The following KLRG1 variants were observed in gnomAD, a reference collection of about 807,000 sequenced individuals.
KLRG1 encodes the protein killer cell lectin-like receptor subfamily G member 1.
A neutral mutation model predicts 21.8 loss-of-function variants in KLRG1; 16 were observed. The ratio of observed to expected loss-of-function variants is 0.73; its 90% confidence interval spans 0.50 to 1.11. KLRG1 has a LOEUF of 1.11. Ranked by LOEUF, KLRG1 falls within the 50% of genes most tolerant of loss-of-function variation. The pLI is 0.00. For synonymous variants in KLRG1, 69 were observed against 75.9 expected, an observed-to-expected ratio of 0.91 and a Z score of 0.47; for missense variants, 173 against 218.3, an observed-to-expected ratio of 0.79 and a Z score of 1.31.
the KLRG1 span, among the ~76,000 whole-genome samples, chr12:9,043,076 CTT>C: frequency 1.1e-4 from 15 of 131,150 alleles, no homozygotes; most frequent in East Asian, 4.4e-4. Context: ...TGGCAGATAT[CTT>C]TTTTTTTTTT....
At chr12:9,194,073 T>G in the KLRG1 span, 1 of 1,611,880 alleles carries the variant, frequency 6.2e-7, no homozygotes, top group Non-Finnish European at 8.5e-7. Context: ...CTTTCTATAC[T>G]TACCCGGACA....
At chr12:9,054,100 G>C in the KLRG1 span, among the ~76,000 whole-genome samples, 4 of 152,210 alleles carry the variant, frequency 2.6e-5, no homozygotes, top group Admixed American at 2.6e-4. Context: ...TGCTGTCTCA[G>C]TGTAACTGGT....
At chr12:9,029,143 C>A in the KLRG1 span, 1 of 309,546 alleles carries the variant, frequency 3.2e-6, no homozygotes, top group East Asian at 6.7e-5. Flanking sequence ...TGTCCAAGGG[C>A]AGAAAGGCAA....
chr12:9,061,379 C>A, the KLRG1 span, among the ~76,000 whole-genome samples: 1 of 152,118 alleles, frequency 6.6e-6, no homozygotes, highest in Non-Finnish European at 1.5e-5. Context: ...CCTACCTTGG[C>A]CTCCCAAAGT....
the KLRG1 span, chr12:9,066,207 T>C: frequency 6.6e-6 from 1 of 152,396 alleles, no homozygotes; most frequent in Non-Finnish European, 1.5e-5. Context: ...CAAACAGGGC[T>C]GCAACATGCC....
At chr12:8,956,666 C>A (rs781397834) in intron 1 of KLRG1, among the ~76,000 whole-genome samples, 1 of 152,096 alleles carries the variant, frequency 6.6e-6, no homozygotes, top group Admixed American at 6.5e-5. Flanking sequence ...CGGCTGGTCT[C>A]GAACTCCTGA....
At chr12:9,203,842 A>G in the KLRG1 span, 25 of 1,613,808 alleles carry the variant, frequency 1.5e-5, no homozygotes, top group Non-Finnish European at 2.1e-5. Context: ...TCCCTGCCAG[A>G]CTCCAAGGAA....
At chr12:9,059,738 T>C in the KLRG1 span, among the ~76,000 whole-genome samples, 1 of 152,094 alleles carries the variant, frequency 6.6e-6, no homozygotes, top group African/African-American at 2.4e-5. Context: ...GAGGCTGGAG[T>C]GTGGTGACAT....
At chr12:9,181,162 T>G in the KLRG1 span, 3 of 1,613,636 alleles carry the variant, frequency 1.9e-6, no homozygotes, top group Non-Finnish European at 2.5e-6. Flanking sequence ...CGTCAACCAG[T>G]GTTTTCCCTA....
chr12:9,019,924 C>G, the KLRG1 span, among the ~76,000 whole-genome samples: 2 of 152,206 alleles, frequency 1.3e-5, no homozygotes, highest in African/African-American at 4.8e-5. Context: ...ACTTTCTTGT[C>G]TCTGTTAACA....
chr12:9,088,058 C>T, the KLRG1 span, among the ~76,000 whole-genome samples: 1 of 152,084 alleles, frequency 6.6e-6, no homozygotes, highest in South Asian at 2.1e-4. Context: ...TACAATTTAA[C>T]ATAGGTAAAT....
the KLRG1 span, chr12:9,149,548 G>T: frequency 6.2e-7 from 1 of 1,609,838 alleles, no homozygotes; most frequent in South Asian, 1.1e-5. Flanking sequence ...GGTCATAAGT[G>T]GTGAACTCTT....
chr12:8,972,470 C>T (rs778853705), intron 1 of KLRG1, among the ~76,000 whole-genome samples: 6 of 152,134 alleles, frequency 3.9e-5, no homozygotes, highest in Non-Finnish European at 7.4e-5. Context: ...GTCTTTAATC[C>T]ATTTTAAGTT....
intron 3 of KLRG1, among the ~76,000 whole-genome samples, chr12:9,005,499 T>C (rs1463595151): frequency 6.6e-6 from 1 of 152,118 alleles, no homozygotes; most frequent in Non-Finnish European, 1.5e-5. Flanking sequence ...AACAGAAAGT[T>C]AAACACTGCA....
At chr12:9,122,839 C>T in the KLRG1 span, among the ~76,000 whole-genome samples, 2 of 151,764 alleles carry the variant, frequency 1.3e-5, no homozygotes, top group Non-Finnish European at 2.9e-5. Context: ...TAAAGTAATG[C>T]AGTATAATTT....
chr12:9,020,949 T>C, the KLRG1 span, among the ~76,000 whole-genome samples: 7 of 152,338 alleles, frequency 4.6e-5, no homozygotes, highest in African/African-American at 1.7e-4. Flanking sequence ...CTGGGCTATA[T>C]GGGACAGCCT....
At chr12:9,113,184 G>A in the KLRG1 span, among the ~76,000 whole-genome samples, 1 of 142,572 alleles carries the variant, frequency 7.0e-6, no homozygotes, top group Non-Finnish European at 1.5e-5. Flanking sequence ...GTAAATATTT[G>A]TCTCCCATGG....
At chr12:9,181,249 A>T in the KLRG1 span, 2 of 1,293,846 alleles carry the variant, frequency 1.5e-6, no homozygotes, top group Non-Finnish European at 2.1e-6. Flanking sequence ...TGGTAATGTC[A>T]GTCAGAAACC....
chr12:9,165,248 C>T, the KLRG1 span: 17 of 1,614,136 alleles, frequency 1.1e-5, no homozygotes, highest in African/African-American at 8.0e-5. Context: ...CTGGAAGGCT[C>T]GGAGAGAGGC....
Sources: allele counts gnomAD v4.1 joint callset (sites outside exome capture counted in the v4.1 genomes callset), GRCh38; gene constraint gnomAD v4.1.1; transcripts MANE v1.5; gene names NCBI Gene and HGNC (gene_info 2026-07-23, HGNC 2026-07-21).